The following MGAM variants were observed in gnomAD, a reference collection of about 807,000 sequenced individuals.
The protein encoded by MGAM is alpha-1,4-glucosidase.
MGAM carries 253 observed loss-of-function variants against 358.8 expected under a neutral mutation model. The observed-to-expected ratio is 0.71, with a 90% CI of 0.64 to 0.78. The LOEUF (loss-of-function observed/expected upper bound fraction) is 0.78. Ranked by LOEUF, MGAM falls within the 30% of genes least tolerant of loss-of-function variation. The probability of loss-of-function intolerance (pLI) is 0.00; values close to 1 mark genes in which losing one functional copy is unlikely to be tolerated. For synonymous variants in MGAM, 1,105 were observed against 1,227.1 expected (o/e 0.90, Z 2.08); for missense variants, 3,080 against 3,432.6 (o/e 0.90, Z 2.57).
chr7:142,046,553 A>G (rs923897075), intron 21 of MGAM, among the ~76,000 whole-genome samples: 2 of 152,014 alleles, frequency 1.3e-5, no homozygotes, highest in South Asian at 2.1e-4. Flanking sequence ...TAGTAGCCCA[A>G]TTTTAACCTT....
At chr7:142,070,923 C>G in intron 43 of MGAM, 71 bp from the exon 44 acceptor site, 1 of 1,519,014 alleles carries the variant, frequency 6.6e-7, no homozygotes. Flanking sequence ...GATGAGATGT[C>G]TGGCAGGATG....
chr7:142,081,060 A>G lies in MGAM; in HGVS notation c.6002+115A>G, dbSNP rs1370064822. On this transcript the variant is annotated intron_variant, in intron 50 of 70. Coordinates refer to ENST00000475668, the MANE Select transcript of MGAM (RefSeq NM_001365693.1). ...CATCACATTGTCCACTTCCAGATCC[A>G]TGGATGAGTTGTTTCCTTCAGACCT... The G allele has an allele frequency of 5.5e-5, 53 of 962,820 alleles. 4 individuals carry two copies. The highest frequency in any genetic ancestry group is 7.1e-5 in the Non-Finnish European group (47 of 665,296). The allele number at this position is 962,820 out of a possible 1,614,324, so 59.6% of individuals were successfully genotyped here. A position where few individuals can be genotyped will look rare whatever the true frequency, so the allele number is the denominator to read the frequency against.
chr7:141,998,154 A>G (rs1438563567), intron 1 of MGAM, among the ~76,000 whole-genome samples: 3 of 152,208 alleles, frequency 2.0e-5, no homozygotes, highest in African/African-American at 4.8e-5. Flanking sequence ...GTACCAGGAC[A>G]ATGAGCTTTG....
chr7:142,083,343 C>G lies in MGAM; in HGVS notation c.6311C>G (p.Thr2104Arg). The change falls in exon 53 of 71, where the codon ACA becomes AGA. Residue 2104 changes from threonine (T) to arginine (R), a missense_variant. This residue lies in a region of MGAM where 932 missense variants were observed against 1,198.2 expected (regional missense o/e 0.78). Transcript: ENST00000475668. ...QPLPALTYRT[T>R]GGVLDFYVFL... The stretch of plus-strand genomic sequence containing the variant: ...CTGCCTGCCTTGACATACCGTACCA[C>G]AGGGGGAGTTCTGGACTTTTATGTG... 6.4e-7 allele frequency: 1 copy of G among 1,554,508 alleles called. No individual in the cohort carries two copies.
At chr7:141,991,729 C>T (rs1448010714), upstream of MGAM, among the ~76,000 whole-genome samples, 1 of 152,154 alleles carries the variant, frequency 6.6e-6, no homozygotes, top group African/African-American at 2.4e-5. Context: ...GCCACCACAC[C>T]TGGCCGAGAA....
chr7:142,097,541 T>C lies in MGAM; in HGVS notation c.7693-52T>C, dbSNP rs1276599998. 3.1e-5 allele frequency: 49 copies of C among 1,556,452 alleles called. No individual in the cohort carries two copies. In the Middle Eastern group the frequency reaches 6.7e-4, roughly 21 times the overall value. ...CCTCTTTCCTAAGTATTTTGGTTTC[T>C]CTGTCCTGGAAAATGGTGCCACTGC... On this transcript the variant is annotated intron_variant, in intron 65 of 70. Coordinates refer to ENST00000475668, the MANE Select transcript of MGAM (RefSeq NM_001365693.1).
At position 142,062,545 on chromosome 7, in the gene MGAM, G is replaced by A. The variant is rs771272691; in HGVS notation, c.4123-23G>A. The A allele has an allele frequency of 5.2e-6, 8 of 1,527,916 alleles. No individual in the cohort carries two copies. The African/African-American group carries it at 8.3e-5, about 16-fold the overall frequency. The allele number at this position is 1,527,916 out of a possible 1,614,324, so 94.6% of individuals were successfully genotyped here. ...GTCTTCTATATTTGTGTGGGACAAAGAAATTATATTTCTTTTTTATAGCTA... is the reference window on the plus strand; with the variant it reads ...GTCTTCTATATTTGTGTGGGACAAAAAAATTATATTTCTTTTTTATAGCTA... On this transcript the variant is annotated intron_variant, in intron 34 of 70. Transcript: ENST00000475668.
Position 142,000,865 on chromosome 7 carries a change from C to T in MGAM, c.-2-4664C>T, listed in dbSNP as rs76467366. On this transcript the variant is annotated intron_variant, in intron 1 of 70. Transcript: ENST00000475668. ...GGGTGTTTATAGTTTGACCAGCAGT[C>T]GGTGGGTGTTTCTTCATAGTGTCTA... Among the ~76,000 whole-genome samples, 14 of 152,098 alleles carry T rather than the reference C, an allele frequency of 9.2e-5. No homozygotes were observed. In the East Asian group the frequency reaches 1.7e-3, roughly 19 times the overall value.
chr7:142,058,646 A>G (rs1186155044), intron 31 of MGAM, among the ~76,000 whole-genome samples: 1 of 152,220 alleles, frequency 6.6e-6, no homozygotes, highest in East Asian at 1.9e-4. Flanking sequence ...CCTTGGTTTC[A>G]TAAGAATAAA....
rs1366487900 is a variant in MGAM at position 142,089,026 on chromosome 7, A to ATCAT, written c.6810+2311_6810+2312insATTC. ...TATCTATCTATCTATCTATCTATCT[A>ATCAT]TCTATCTATACTGTTCAAGGGAGAA... On this transcript the variant is annotated intron_variant, in intron 57 of 70. Coordinates refer to ENST00000475668, the MANE Select transcript of MGAM (RefSeq NM_001365693.1). 2.8e-5 allele frequency among the ~76,000 whole-genome samples: 4 copies of ATCAT among 143,068 alleles called. 1 individual carries two copies. The East Asian group carries it at 8.2e-4, about 29-fold the overall frequency. 93.9% of individuals were successfully genotyped at this position (143,068 alleles called of 152,430 possible).
chr7:141,987,586 G>A (rs558397048), intron 2 of MGAM, among the ~76,000 whole-genome samples: 2 of 152,084 alleles, frequency 1.3e-5, no homozygotes, highest in South Asian at 2.1e-4. Context: ...AGGTGTCAGC[G>A]AGGCACAGGG....
chr7:142,048,249 C>A (rs1453667505), intron 22 of MGAM, among the ~76,000 whole-genome samples: 2 of 150,972 alleles, frequency 1.3e-5, no homozygotes, highest in Non-Finnish European at 3.0e-5. Flanking sequence ...GCCTCCCAGG[C>A]TCAAGTGATT....
At chr7:141,998,177 A>G (rs2128974943) in intron 1 of MGAM, among the ~76,000 whole-genome samples, 1 of 152,368 alleles carries the variant, frequency 6.6e-6, no homozygotes, top group African/African-American at 2.4e-5. Flanking sequence ...AATTATTCAT[A>G]TACTAAATAA....
Position 142,076,872 on chromosome 7 carries a change from G to A in MGAM, c.5493+46G>A, listed in dbSNP as rs756701140. 2.6e-6 allele frequency: 4 copies of A among 1,517,344 alleles called. 1 individual carries two copies. In the East Asian group the frequency reaches 9.2e-5, roughly 35 times the overall value. The allele number at this position is 1,517,344 out of a possible 1,614,324, so 94.0% of individuals were successfully genotyped here. On this transcript the variant is annotated intron_variant, in intron 47 of 70. Transcript: ENST00000475668. ...GATGGTACATTGAGAATTCTCCATA[G>A]CACCATGATGTTTCTTCTTGCCAAG...
chr7:142,021,182 T>C (rs1181058111), intron 5 of MGAM, 99 bp downstream of exon 5: 5 of 791,246 alleles, frequency 6.3e-6, no homozygotes, highest in Non-Finnish European at 1.0e-5. Context: ...TGCTACTGGA[T>C]GTATTTTTCT....
rs777111709 is a variant in MGAM, at chr7:142,064,430, GGA to G, written c.4396_4397del (p.Gln1467AlafsTer97). ...RGLSSKTLCM[E>X]SQQILPDGSL... ...GCCTGAGCAGCAAGACCCTTTGTAT[GGA>G]GAGTCAGCAGATCCTCCCAGACGGC... is the stretch of plus-strand genomic sequence containing the variant. On this transcript the variant is annotated frameshift_variant, in exon 37 of 71. Coordinates refer to ENST00000475668, the MANE Select transcript of MGAM (RefSeq NM_001365693.1). LOFTEE classifies it high-confidence loss of function. 1.5e-4 allele frequency: 241 copies of G among 1,606,924 alleles called. No individual in the cohort carries two copies. Among genetic ancestry groups the G allele is most frequent in the Non-Finnish European group, 2.0e-4 (235 of 1,176,924 alleles).
chr7:142,021,805 AG>A (rs1806486749), intron 6 of MGAM, 68 bp downstream of exon 6: 1 of 1,517,598 alleles, frequency 6.6e-7, no homozygotes, highest in Non-Finnish European at 9.1e-7. Flanking sequence ...AGCATGAAGA[AG>A]GGGGTGTTTC....
rs1275394901 is a variant in MGAM at position 142,086,290 on chromosome 7, A to G, written c.6709A>G (p.Ile2237Val). 2.6e-6 allele frequency: 4 copies of G among 1,541,992 alleles called. 1 individual carries two copies. In the East Asian group the frequency reaches 9.2e-5, roughly 35 times the overall value. ...TCGGGGCGTGGAGGATGACGTCTTC[A>G]TCAAGTACCCAAATGATGGAGACAT... The part of the protein sequence containing the change: ...FTRGVEDDVF[I>V]KYPNDGDIVW... Residue 2237 changes from isoleucine to valine, a missense_variant, in exon 56 of 71, where the codon ATC becomes GTC. Physicochemically the swap from Ile to Val is conservative, Grantham distance 29. Coordinates refer to ENST00000475668, the MANE Select transcript of MGAM (RefSeq NM_001365693.1).
chr7:142,065,968 GTTTT>G (rs35268349), intron 40 of MGAM, 137 bp downstream of exon 40: 88 of 611,396 alleles, frequency 1.4e-4, no homozygotes, highest in South Asian at 1.9e-4. Flanking sequence ...GTTTTGTTTT[GTTTT>G]TTTTTTTGAA....
Sources: gnomAD v4.1 joint callset for allele counts (sites outside exome capture counted in the v4.1 genomes callset) on GRCh38, gnomAD v4.1.1 for gene constraint, gnomAD v4.1.1 regional missense constraint, MANE v1.5 for transcripts, NCBI Gene and HGNC (gene_info 2026-07-23, HGNC 2026-07-21) for gene names.